Variants in CFLAR observed in about 807,000 individuals in gnomAD.
The protein encoded by CFLAR is CASP8 and FADD-like apoptosis regulator.
CFLAR carries 14 observed loss-of-function variants against 51.1 expected under a neutral mutation model. That is an observed-to-expected ratio of 0.27 (90% CI 0.18 to 0.43). The LOEUF (loss-of-function observed/expected upper bound fraction) is 0.43, where lower values mean the gene tolerates loss of function less well. Ranked by LOEUF, CFLAR falls within the 20% of genes least tolerant of loss-of-function variation. The pLI is 1.00. For synonymous variants in CFLAR, 210 were observed against 211.6 expected (o/e 0.99, Z 0.06); for missense variants, 390 against 566.5 (o/e 0.69, Z 3.16).
At chr2:201,157,374 C>A (rs1198643240) in intron 8 of CFLAR, among the ~76,000 whole-genome samples, 1 of 152,174 alleles carries the variant, frequency 6.6e-6, no homozygotes, top group Non-Finnish European at 1.5e-5. Context: ...CTCTGCAGCT[C>A]AAGCAATCCA....
rs1943427239 is a variant in CFLAR, at chr2:201,165,262, AT to A, written c.*1291del. The A allele has an allele frequency of 2.0e-5, 3 of 147,446 alleles. No homozygotes were observed. In the East Asian group the frequency reaches 5.9e-4, roughly 29 times the overall value. 9.1% of individuals were successfully genotyped at this position (147,446 alleles called of 1,614,324 possible). ...GTTGCTTATTATTATTATTATTATT[AT>A]TATTATTATTATTATTATTATTATT... On this transcript the variant is annotated 3_prime_UTR_variant, in exon 10 of 10. Transcript: ENST00000309955.
chr2:201,150,801 G>A (rs1941157604), intron 8 of CFLAR, among the ~76,000 whole-genome samples: 1 of 152,168 alleles, frequency 6.6e-6, no homozygotes, highest in Admixed American at 6.5e-5. Context: ...CCATCTAACT[G>A]TAGTGGACAT....
intron 2 of CFLAR, 41 bp downstream of exon 2, chr2:201,130,187 G>GGGGGGGGGTGGC: frequency 3.4e-6 from 1 of 292,392 alleles, no homozygotes; most frequent in Non-Finnish European, 7.1e-6. Flanking sequence ...GGGTGGGAGG[G>GGGGGGGGGTGGC]AGTGAAGTGT....
rs190823274 is a variant in CFLAR at position 201,133,280 on chromosome 2, G to A, written c.387+146G>A. ...CAGGTGGCTTTTAAACAACATGAATGGGAAGAGAATTGGTTTATGAATTGA... is the reference window on the plus strand; with the variant it reads ...CAGGTGGCTTTTAAACAACATGAATAGGAAGAGAATTGGTTTATGAATTGA... On this transcript the variant is annotated intron_variant, in intron 3 of 9. Transcript: ENST00000309955. The A allele has an allele frequency of 8.3e-6, 5 of 600,528 alleles. No individual in the cohort carries two copies. In the African/African-American group the frequency reaches 9.2e-5, roughly 11 times the overall value. The allele number at this position is 600,528 out of a possible 1,614,324, so 37.2% of individuals were successfully genotyped here.
chr2:201,120,907 C>T (rs1343907202), intron 1 of CFLAR, among the ~76,000 whole-genome samples: 2 of 152,078 alleles, frequency 1.3e-5, no homozygotes, highest in African/African-American at 2.4e-5. Flanking sequence ...GTGAGTGAAC[C>T]AAATTCCCTG....
chr2:201,159,056 T>G (rs1168345103), intron 8 of CFLAR, among the ~76,000 whole-genome samples: 1 of 151,698 alleles, frequency 6.6e-6, no homozygotes, highest in Non-Finnish European at 1.5e-5. Flanking sequence ...TTTTGTATTT[T>G]TAGTAGAGAC....
intron 4 of CFLAR, chr2:201,139,853 C>T (rs921378301): frequency 2.0e-5 from 3 of 153,416 alleles, no homozygotes; most frequent in African/African-American, 7.2e-5. Context: ...ACGCCGGTCC[C>T]CTGGGCCCCC....
At chr2:201,130,180 T>TGGG in intron 2 of CFLAR, 34 bp downstream of exon 2, 3 of 79,256 alleles carry the variant, frequency 3.8e-5, no homozygotes, top group South Asian at 1.8e-4. Flanking sequence ...GCTGGGTGGG[T>TGGG]GGGAGGGAGT....
chr2:201,132,458 G>A (rs1346170609), intron 2 of CFLAR, among the ~76,000 whole-genome samples: 1 of 145,048 alleles, frequency 6.9e-6, no homozygotes. Flanking sequence ...TATATATAGT[G>A]TTAGCTCCAG....
chr2:201,156,314 C>T (rs1055782157), intron 8 of CFLAR, among the ~76,000 whole-genome samples: 4 of 152,174 alleles, frequency 2.6e-5, no homozygotes, highest in African/African-American at 9.7e-5. Context: ...CCTATTTTAG[C>T]CTTGTCCACC....
intron 9 of CFLAR, among the ~76,000 whole-genome samples, chr2:201,161,174 T>C (rs1001729121): frequency 6.6e-6 from 1 of 152,198 alleles, no homozygotes; most frequent in African/African-American, 2.4e-5. Context: ...TAAGAAATTT[T>C]CAGCCTGGGC....
Position 201,164,157 on chromosome 2 carries a change from T to G in CFLAR, c.*184T>G. 2.3e-6 allele frequency: 1 copy of G among 442,662 alleles called. No individual in the cohort carries two copies. The highest frequency in any genetic ancestry group is 4.0e-6 in the Non-Finnish European group (1 of 247,780). The allele number at this position is 442,662 out of a possible 1,614,324, so 27.4% of individuals were successfully genotyped here. A position where few individuals can be genotyped will look rare whatever the true frequency, so the allele number is the denominator to read the frequency against. On this transcript the variant is annotated 3_prime_UTR_variant, in exon 10 of 10. Transcript: ENST00000309955. ...GTGGGTACCTGTATTCCCAGTTACTTGGGAGGCTGAGGTGGGAGGATCTTT... is the reference window on the plus strand; with the variant it reads ...GTGGGTACCTGTATTCCCAGTTACTGGGGAGGCTGAGGTGGGAGGATCTTT...
At chr2:201,137,534 G>T (rs115867858) in intron 4 of CFLAR, 1 of 671,840 alleles carries the variant, frequency 1.5e-6, no homozygotes, top group Admixed American at 2.0e-5. Flanking sequence ...GCCACTTCTC[G>T]TAAGAGTGCA....
chr2:201,135,859 T>C, intron 3 of CFLAR, 113 bp from the exon 4 acceptor site: 7 of 1,438,322 alleles, frequency 4.9e-6, no homozygotes, highest in East Asian at 2.3e-5. Context: ...ACTCTTGGGC[T>C]CAAGCAGTCT....
At chr2:201,117,804 G>A (rs923253609) in intron 1 of CFLAR, among the ~76,000 whole-genome samples, 2 of 144,712 alleles carry the variant, frequency 1.4e-5, no homozygotes, top group South Asian at 2.2e-4. Context: ...TGCCCAGGCT[G>A]GAATGCAATG....
Position 201,124,426 on chromosome 2 carries a change from C to T in CFLAR, c.-137-5303C>T, listed in dbSNP as rs113284814. Among the ~76,000 whole-genome samples, 1,638 of 152,240 alleles carry T rather than the reference C, an allele frequency of 0.011. 29 individuals are homozygous for T. The highest frequency in any genetic ancestry group is 0.036 in the African/African-American group (1,511 of 41,528). On this transcript the variant is annotated intron_variant, in intron 1 of 9. Coordinates refer to ENST00000309955, the MANE Select transcript of CFLAR (RefSeq NM_003879.7). The surrounding 1 kb of genome is among the most constrained non-coding windows in gnomAD (Gnocchi z 4.7). ...TTAGCTCACTGGCAACCTCCACCTCCCAGGCTCAAGAGACTTTTGTGCCTC... is the reference window on the plus strand; with the variant it reads ...TTAGCTCACTGGCAACCTCCACCTCTCAGGCTCAAGAGACTTTTGTGCCTC...
chr2:201,166,774 G>A lies in CFLAR; in HGVS notation c.*2801G>A, dbSNP rs369256221. On this transcript the variant is annotated 3_prime_UTR_variant, in exon 10 of 10. Transcript: ENST00000309955. ...GCAGTCAGGAGCTGGAGACCAGCCC[G>A]GCCAACACAGTGAAACCCTGTCTCC... 3 of 161,136 alleles carry A rather than the reference G, an allele frequency of 1.9e-5. No individual in the cohort carries two copies. The highest frequency in any genetic ancestry group is 2.7e-5 in the Non-Finnish European group (2 of 74,018). The allele number at this position is 161,136 out of a possible 1,614,324, so 10.0% of individuals were successfully genotyped here.
rs754986867 is a variant in CFLAR at position 201,140,370 on chromosome 2, G to A, written c.537G>A (p.Gly179=). 5.0e-6 allele frequency: 8 copies of A among 1,609,198 alleles called. No homozygotes were observed. The African/African-American group carries it at 1.1e-4, about 22-fold the overall frequency. ...CTGCTTTTATAGTTCAAGGAGCAGG[G>A]ACAAGTTACAGGAATGTTCTCCAAG... The part of the protein sequence containing the change: ...QKYKQSVQGA[G]TSYRNVLQAA... The change falls in exon 5 of 10, where the codon GGG becomes GGA. Residue 179 remains glycine (G), a synonymous_variant. Coordinates refer to ENST00000309955, the MANE Select transcript of CFLAR (RefSeq NM_003879.7).
At chr2:201,163,570 C>A in intron 9 of CFLAR, 1 of 1,240,744 alleles carries the variant, frequency 8.1e-7, no homozygotes, top group Admixed American at 4.0e-5. Flanking sequence ...GAGCCCATCC[C>A]CATTTGCATA....
Sources: allele counts gnomAD v4.1 joint callset (sites outside exome capture counted in the v4.1 genomes callset), GRCh38; gene constraint gnomAD v4.1.1; non-coding constraint Gnocchi (gnomAD v3.1); transcripts MANE v1.5; gene names NCBI Gene and HGNC (gene_info 2026-07-23, HGNC 2026-07-21).